The following CASTOR2 variants were observed in gnomAD, a reference collection of about 807,000 sequenced individuals.
CASTOR2 encodes the protein cytosolic arginine sensor for mTORC1 subunit 2.
CASTOR2 carries 8 observed loss-of-function variants against 31.2 expected under a neutral mutation model. The observed-to-expected ratio is 0.26, with a 90% confidence interval of 0.15 to 0.46. CASTOR2 has a LOEUF of 0.46. CASTOR2 is among the 20% of genes least tolerant of loss of function. The pLI is 0.99. For missense variants in CASTOR2, 216 were observed against 382.1 expected, an observed-to-expected ratio of 0.57 and a Z score of 3.62; for synonymous variants, 162 against 158.7, an observed-to-expected ratio of 1.02 and a Z score of -0.16.
rs1554438844 is a variant in CASTOR2, at chr7:75,007,059, G to A, written c.114-935G>A. 6.8e-3 allele frequency among the ~76,000 whole-genome samples: 1,036 copies of A among 152,202 alleles called. 15 individuals are homozygous for A. Among genetic ancestry groups the A allele is most frequent in the African/African-American group, 0.023 (969 of 41,526 alleles). ...ATGCCCGGCTTTGTGCTGGAGAGCCGGAACACCAGATAAGTGGCCAGGGGT... is the reference window on the plus strand; with the variant it reads ...ATGCCCGGCTTTGTGCTGGAGAGCCAGAACACCAGATAAGTGGCCAGGGGT... On this transcript the variant is annotated intron_variant, in intron 1 of 8. Transcript: ENST00000616305.
At chr7:74,994,865 G>C (rs1439779760) in intron 1 of CASTOR2, among the ~76,000 whole-genome samples, 1 of 152,150 alleles carries the variant, frequency 6.6e-6, no homozygotes, top group Non-Finnish European at 1.5e-5. Context: ...TGAGCATCTG[G>C]GGACAGGGTG....
intron 1 of CASTOR2, among the ~76,000 whole-genome samples, chr7:74,973,333 CTTTTTTTTTTTT>C (rs1200356756): frequency 2.5e-5 from 2 of 80,336 alleles, no homozygotes; most frequent in Non-Finnish European, 4.5e-5. Context: ...CTCCAGTAAG[CTTTTTTTTTTTT>C]TTTTTTTTTT....
rs1215516053 is a variant in CASTOR2 at position 75,025,158 on chromosome 7, G to A, written c.*459G>A. 6.6e-6 allele frequency among the ~76,000 whole-genome samples: 1 copy of A among 152,236 alleles called. No individual in the cohort carries two copies. Among genetic ancestry groups the A allele is most frequent in the East Asian group, 1.9e-4 (1 of 5,198 alleles). On this transcript the variant is annotated 3_prime_UTR_variant, in exon 9 of 9. Transcript: ENST00000616305. ...CCTGGAGGGTTTGGGGGTGAGTACT[G>A]TGGTCACTGGTCTCTGCTTCCATCA...
At chr7:75,023,587 G>A (rs909803247) in intron 7 of CASTOR2, among the ~76,000 whole-genome samples, 3 of 150,880 alleles carry the variant, frequency 2.0e-5, no homozygotes, top group African/African-American at 2.4e-5. Context: ...CTATAGGCAC[G>A]TGCCACCACG....
chr7:74,993,211 GA>G (rs1234128285), intron 1 of CASTOR2, among the ~76,000 whole-genome samples: 1 of 151,948 alleles, frequency 6.6e-6, no homozygotes, highest in East Asian at 1.9e-4. Context: ...AAGAGAAAAA[GA>G]AAAAGGAAGG....
Position 75,024,898 on chromosome 7 carries a change from C to T in CASTOR2, c.*199C>T, listed in dbSNP as rs1805085878. ...GCCTCTCCATGCCCTCCTGCCTTCC[C>T]GGAGCCCCCCGACCCTCCAGAGAAC... On this transcript the variant is annotated 3_prime_UTR_variant, in exon 9 of 9. Coordinates refer to ENST00000616305, the MANE Select transcript of CASTOR2 (RefSeq NM_001145064.3). 17 of 1,313,894 alleles carry T rather than the reference C, an allele frequency of 1.3e-5. No homozygotes were observed. Among genetic ancestry groups the T allele is most frequent in the African/African-American group, 4.4e-5 (3 of 68,112 alleles). 81.4% of individuals were successfully genotyped at this position (1,313,894 alleles called of 1,614,324 possible). A position where few individuals can be genotyped will look rare whatever the true frequency, so the allele number is the denominator to read the frequency against.
At chr7:75,002,135 A>T (rs1804514143) in intron 1 of CASTOR2, among the ~76,000 whole-genome samples, 1 of 149,606 alleles carries the variant, frequency 6.7e-6, no homozygotes, top group African/African-American at 2.4e-5. Context: ...CATGTTGGCC[A>T]GACTGGTCTC....
At chr7:75,021,131 A>G (rs1324646747) in intron 6 of CASTOR2, among the ~76,000 whole-genome samples, 1 of 152,152 alleles carries the variant, frequency 6.6e-6, no homozygotes, top group Non-Finnish European at 1.5e-5. Context: ...AGCTGGAACT[A>G]CAGGCGCACA....
At chr7:75,019,634 C>G (rs1313603388) in intron 5 of CASTOR2, among the ~76,000 whole-genome samples, 6 of 152,212 alleles carry the variant, frequency 3.9e-5, no homozygotes, top group Non-Finnish European at 8.8e-5. Flanking sequence ...GAGGACAGGC[C>G]CAGTCTGTTG....
chr7:75,020,759 G>T (rs988982466), intron 6 of CASTOR2, among the ~76,000 whole-genome samples: 10 of 151,948 alleles, frequency 6.6e-5, no homozygotes, highest in Non-Finnish European at 1.2e-4. Flanking sequence ...AAAGTGCTGG[G>T]ATTACTGGCA....
At chr7:74,988,460 G>C (rs1440605829) in intron 1 of CASTOR2, among the ~76,000 whole-genome samples, 4 of 152,032 alleles carry the variant, frequency 2.6e-5, no homozygotes, top group Non-Finnish European at 5.9e-5. Context: ...ACTGCGCCCA[G>C]CTAATTTTTT....
chr7:74,991,897 C>A (rs1804220325), intron 1 of CASTOR2, among the ~76,000 whole-genome samples: 1 of 152,058 alleles, frequency 6.6e-6, no homozygotes, highest in South Asian at 2.1e-4. Context: ...ATGGGAGGTG[C>A]TTGACCCAAG....
Position 75,027,006 on chromosome 7 carries a change from A to G in CASTOR2, c.*2307A>G, listed in dbSNP as rs1027346562. 1.3e-5 allele frequency: 2 copies of G among 152,256 alleles called. No homozygotes were observed. The highest frequency in any genetic ancestry group is 2.4e-5 in the African/African-American group (1 of 41,462). 9.4% of individuals were successfully genotyped at this position (152,256 alleles called of 1,614,324 possible). ...TAGCATATATACTTGAGCAATATAT[A>G]TGTTAATATATACTGTGTGCGCAGT... On this transcript the variant is annotated 3_prime_UTR_variant, in exon 9 of 9. Transcript: ENST00000616305.
At chr7:74,998,330 A>G (rs1426172877) in intron 1 of CASTOR2, among the ~76,000 whole-genome samples, 2 of 152,192 alleles carry the variant, frequency 1.3e-5, no homozygotes. Context: ...GGGGCCGGGC[A>G]CGGTGGCTCA....
At chr7:74,985,718 G>A (rs1330478005) in intron 1 of CASTOR2, among the ~76,000 whole-genome samples, 2 of 151,456 alleles carry the variant, frequency 1.3e-5, no homozygotes, top group Admixed American at 6.6e-5. Flanking sequence ...TCAGTGTCCC[G>A]TCTGCAGAGG....
Position 75,018,973 on chromosome 7 carries a change from C to G in CASTOR2, c.513C>G (p.Val171=), listed in dbSNP as rs1409521029. Residue 171 remains valine (V), a splice_region_variant and synonymous_variant, in exon 5 of 9, where the codon GTC becomes GTG. Transcript: ENST00000616305. ...CCTGACATCTTTGTGCTCTTACAGT[C>G]CAGAGGCCAGTCATCCACCCACTGT... The part of the protein sequence containing the change: ...ITNGFVKPKL[V]QRPVIHPLSS... The G allele has an allele frequency of 1.9e-6, 3 of 1,551,866 alleles. No homozygotes were observed. Among genetic ancestry groups the G allele is most frequent in the Non-Finnish European group, 2.6e-6 (3 of 1,147,032 alleles).
chr7:74,991,435 C>T (rs1804209450), intron 1 of CASTOR2, among the ~76,000 whole-genome samples: 1 of 152,100 alleles, frequency 6.6e-6, no homozygotes, highest in African/African-American at 2.4e-5. Flanking sequence ...CCCCTACCCA[C>T]CCCACCCCAG....
At position 75,025,302 on chromosome 7, in the gene CASTOR2, C is replaced by G. The variant is rs1805096647; in HGVS notation, c.*603C>G. On this transcript the variant is annotated 3_prime_UTR_variant, in exon 9 of 9. Transcript: ENST00000616305. ...CGAGCTGGGAAGGACCCAGACTCCC[C>G]CTGTACCTCGCCTGCCAACCACAGG... Among the ~76,000 whole-genome samples, 1 of 152,202 alleles carries G rather than the reference C, an allele frequency of 6.6e-6. No homozygotes were observed. Among genetic ancestry groups the G allele is most frequent in the Non-Finnish European group, 1.5e-5 (1 of 68,020 alleles).
Position 74,970,102 on chromosome 7 carries a change from C to G in CASTOR2, c.113+5004C>G. 1.4e-5 allele frequency among the ~76,000 whole-genome samples: 2 copies of G among 145,306 alleles called. 1 individual carries two copies. Among genetic ancestry groups the G allele is most frequent in the Non-Finnish European group, 3.0e-5 (2 of 65,754 alleles). On this transcript the variant is annotated intron_variant, in intron 1 of 8. Transcript: ENST00000616305. ...TAGTAAACGTCTGTTTGATGGATTTCTGACCATCAGAGTGACCCAGATTTC... is the reference window on the plus strand; with the variant it reads ...TAGTAAACGTCTGTTTGATGGATTTGTGACCATCAGAGTGACCCAGATTTC...
Sources: allele counts gnomAD v4.1 joint callset (sites outside exome capture counted in the v4.1 genomes callset), GRCh38; gene constraint gnomAD v4.1.1; transcripts MANE v1.5; gene names NCBI Gene and HGNC (gene_info 2026-07-23, HGNC 2026-07-21).